The following PCDHA10 variants were observed in gnomAD, a reference collection of about 807,000 sequenced individuals.
PCDHA10 encodes the protein protocadherin alpha-10.
Under a neutral mutation model 61.2 loss-of-function variants are expected in PCDHA10, and 45 were observed. The ratio of observed to expected loss-of-function variants is 0.74; its 90% CI spans 0.58 to 0.94. PCDHA10 has a LOEUF of 0.94. PCDHA10 is among the 40% of genes least tolerant of loss of function. The pLI is 0.00. For missense variants in PCDHA10, 1,278 were observed against 1,236.2 expected (o/e 1.03, Z -0.51); for synonymous variants, 602 against 548.8 (o/e 1.10, Z -1.35).
At chr5:141,006,880 G>A (rs1554260955) in intron 3 of PCDHA10, among the ~76,000 whole-genome samples, 1 of 152,192 alleles carries the variant, frequency 6.6e-6, no homozygotes, top group Non-Finnish European at 1.5e-5. Flanking sequence ...GAGGAATCAA[G>A]AGTTTGATTT....
In PCDHA10 at chr5:141,010,797, AC is replaced by A. The variant is rs1329759215; in HGVS notation, c.*864del. Reference sequence around the variant, plus strand: ...AATACTTATGCAAAAGCAAAAGAAAACCCCGACACCTCACCTTTCGCTGTTT... The same window carrying A: ...AATACTTATGCAAAAGCAAAAGAAAACCCGACACCTCACCTTTCGCTGTTT... On this transcript the variant is annotated 3_prime_UTR_variant, in exon 4 of 4. Transcript: ENST00000307360. The A allele has an allele frequency of 6.5e-6, 1 of 153,778 alleles. No homozygotes were observed. The highest frequency in any genetic ancestry group is 2.4e-5 in the African/African-American group (1 of 41,460). 9.5% of individuals were successfully genotyped at this position (153,778 alleles called of 1,614,324 possible).
intron 1 of PCDHA10, among the ~76,000 whole-genome samples, chr5:140,938,387 A>G (rs2092042874): frequency 6.6e-6 from 1 of 152,220 alleles, no homozygotes. Flanking sequence ...AATATTTAAT[A>G]TGAAATACAT....
At chr5:140,969,819 A>G (rs2096362307) in intron 1 of PCDHA10, among the ~76,000 whole-genome samples, 1 of 152,168 alleles carries the variant, frequency 6.6e-6, no homozygotes, top group African/African-American at 2.4e-5. Context: ...TATACTCTGG[A>G]CTGTCTACAG....
At chr5:140,955,240 G>A (rs2095156409) in intron 1 of PCDHA10, among the ~76,000 whole-genome samples, 1 of 152,102 alleles carries the variant, frequency 6.6e-6, no homozygotes, top group African/African-American at 2.4e-5. Flanking sequence ...TTTTGCTTAG[G>A]ATCGGCTTGG....
At chr5:140,926,775 G>A (rs1563083910) in intron 1 of PCDHA10, 7 of 1,391,106 alleles carry the variant, frequency 5.0e-6, no homozygotes, top group East Asian at 2.6e-5. Context: ...GCCCGCAGCA[G>A]TGACGGCCGG....
intron 1 of PCDHA10, among the ~76,000 whole-genome samples, chr5:140,925,561 G>A (rs972926230): frequency 6.6e-6 from 1 of 151,674 alleles, no homozygotes; most frequent in African/African-American, 2.4e-5. Flanking sequence ...ACAAGTTAAT[G>A]GGTGCAGCAC....
intron 3 of PCDHA10, among the ~76,000 whole-genome samples, chr5:140,996,703 C>G (rs2097740523): frequency 6.6e-6 from 1 of 152,132 alleles, no homozygotes; most frequent in African/African-American, 2.4e-5. Context: ...GAACCTCTAT[C>G]TCTTTGATTT....
intron 1 of PCDHA10, chr5:140,870,636 G>C (rs2153249494): frequency 6.2e-7 from 1 of 1,612,910 alleles, no homozygotes; most frequent in Non-Finnish European, 8.5e-7. Context: ...CGGTGCACGC[G>C]GAGAGCGGCA....
chr5:140,875,478 G>T, intron 1 of PCDHA10: 4 of 1,610,404 alleles, frequency 2.5e-6, no homozygotes, highest in Non-Finnish European at 3.4e-6. Flanking sequence ...CTGCAATGGT[G>T]ATTATCGGAC....
chr5:140,965,424 G>A (rs2095899424), intron 1 of PCDHA10, among the ~76,000 whole-genome samples: 1 of 152,086 alleles, frequency 6.6e-6, no homozygotes, highest in African/African-American at 2.4e-5. Flanking sequence ...AGGAAGATAA[G>A]CTGCAGTCAT....
chr5:140,924,887 C>A (rs528979895), intron 1 of PCDHA10, among the ~76,000 whole-genome samples: 1 of 126,448 alleles, frequency 7.9e-6, no homozygotes, highest in African/African-American at 3.2e-5. Flanking sequence ...AGAGCAAGAA[C>A]CTGTCTCAAA....
Position 140,857,951 on chromosome 5 carries a change from G to T in PCDHA10, c.1903G>T (p.Ala635Ser), listed in dbSNP as rs569786768. The change falls in exon 1 of 4, where the codon GCT (alanine) becomes TCT (serine). Residue 635 changes from alanine (A) to serine (S), a missense_variant. Ala to Ser is a moderately conservative substitution (Grantham distance 99, BLOSUM62 1). Transcript: ENST00000307360. ...CACGGGCGAGATCAGTACGACGCGCGCTCTGGATGAGACTGACTCGCCACG... is the reference window on the plus strand; with the variant it reads ...CACGGGCGAGATCAGTACGACGCGCTCTCTGGATGAGACTGACTCGCCACG... Reference protein sequence around the residue: ...LYTGEISTTRALDETDSPRQR... With the variant: ...LYTGEISTTRSLDETDSPRQR... 9.4e-6 allele frequency: 15 copies of T among 1,597,274 alleles called. No homozygotes were observed. Among genetic ancestry groups the T allele is most frequent in the East Asian group, 2.2e-5 (1 of 44,804 alleles).
chr5:140,869,570 G>A, intron 1 of PCDHA10: 1 of 1,614,148 alleles, frequency 6.2e-7, no homozygotes. Flanking sequence ...CCACTAGAGG[G>A]AGCTTCTGAT....
intron 1 of PCDHA10, chr5:140,966,228 A>G: frequency 3.6e-6 from 1 of 275,386 alleles, no homozygotes; most frequent in Admixed American, 5.3e-5. Context: ...AATCTCCTTA[A>G]AGACCCGTTA....
chr5:140,875,792 A>G, intron 1 of PCDHA10: 1 of 1,614,116 alleles, frequency 6.2e-7, no homozygotes, highest in East Asian at 2.2e-5. Context: ...ATCCACCTGG[A>G]GGTGATCGTG....
chr5:140,926,548 A>C, intron 1 of PCDHA10: 1 of 226,392 alleles, frequency 4.4e-6, no homozygotes, highest in Non-Finnish European at 8.5e-6. Flanking sequence ...GGTGGTCGAG[A>C]CCCCAGCCCG....
At chr5:140,914,596 C>A (rs1454753124) in intron 1 of PCDHA10, among the ~76,000 whole-genome samples, 1 of 152,128 alleles carries the variant, frequency 6.6e-6, no homozygotes, top group Non-Finnish European at 1.5e-5. Flanking sequence ...TAAGTAGGAA[C>A]TTCCTCCTGC....
chr5:140,946,561 T>C (rs1193170794), intron 1 of PCDHA10, among the ~76,000 whole-genome samples: 1 of 148,756 alleles, frequency 6.7e-6, no homozygotes, highest in Non-Finnish European at 1.5e-5. Context: ...AGTTCAGATA[T>C]AGAATCAACT....
intron 1 of PCDHA10, chr5:140,871,159 G>A (rs781816033): frequency 1.2e-6 from 2 of 1,613,450 alleles, no homozygotes; most frequent in African/African-American, 1.3e-5. Flanking sequence ...GGCGGGCGCC[G>A]CGAGCCCAGA....
Sources: gnomAD v4.1 joint callset for allele counts (sites outside exome capture counted in the v4.1 genomes callset) on GRCh38, gnomAD v4.1.1 for gene constraint, MANE v1.5 for transcripts, NCBI Gene and HGNC (gene_info 2026-07-23, HGNC 2026-07-21) for gene names.